The following MTCL1 variants were observed in gnomAD, a reference collection of about 807,000 sequenced individuals.
MTCL1 encodes microtubule cross-linking factor 1.
MTCL1 carries 79 observed loss-of-function variants against 141.4 expected under a neutral mutation model. The observed-to-expected ratio is 0.56, with a 90% CI of 0.47 to 0.67. The LOEUF is 0.67. Among genes scored for constraint, MTCL1 ranks in the 30% least tolerant of loss-of-function variants. The pLI is 0.00. For synonymous variants in MTCL1, 914 were observed against 875.8 expected, an observed-to-expected ratio of 1.04 and a Z score of -0.77; for missense variants, 2,177 against 2,113.9, an observed-to-expected ratio of 1.03 and a Z score of -0.59.
exon 10 of MTCL1, chr18:8,798,212 A>C: frequency 6.3e-7 from 1 of 1,597,512 alleles, no homozygotes; most frequent in South Asian, 1.1e-5. Context: ...GTGGGGGAGC[A>C]CTCCCCACAC....
chr18:8,727,663 T>C (rs993576904), intron 4 of MTCL1, among the ~76,000 whole-genome samples: 1 of 152,224 alleles, frequency 6.6e-6, no homozygotes, highest in African/African-American at 2.4e-5. Flanking sequence ...AGTTTCATTT[T>C]TCTATGTCAT....
At chr18:8,781,202 AAAAG>A (rs2096531525) in intron 5 of MTCL1, among the ~76,000 whole-genome samples, 2 of 150,692 alleles carry the variant, frequency 1.3e-5, no homozygotes, top group South Asian at 4.2e-4. Context: ...AAAAAAAAAA[AAAAG>A]AATGAATGAA....
rs139254319 is a variant in MTCL1 at position 8,734,216 on chromosome 18, C to G, written c.357+13720C>G. ...CTAGATGCTGGTAGCACCCCCCCTC[C>G]CCAATTTGTGGCAATCAAGAACTCT... On this transcript the variant is annotated intron_variant, in intron 4 of 16. Coordinates refer to ENST00000359865, the Ensembl canonical transcript of MTCL1. 1.9e-3 allele frequency among the ~76,000 whole-genome samples: 292 copies of G among 152,036 alleles called. 3 individuals are homozygous for G. The highest frequency in any genetic ancestry group is 6.8e-3 in the African/African-American group (280 of 41,414).
intron 1 of MTCL1, among the ~76,000 whole-genome samples, chr18:8,710,457 CTTTTTTT>C (rs59830434): frequency 2.9e-4 from 35 of 121,794 alleles, no homozygotes; most frequent in Middle Eastern, 4.9e-3. Flanking sequence ...CAGGCACTTT[CTTTTTTT>C]TTTTTTTTTT....
chr18:8,795,135 G>A (rs964670128), intron 8 of MTCL1, among the ~76,000 whole-genome samples: 8 of 152,200 alleles, frequency 5.3e-5, no homozygotes, highest in African/African-American at 1.4e-4. Flanking sequence ...TTAGGTGAGC[G>A]GCCACGCAAG....
chr18:8,798,076 G>T, intron 9 of MTCL1, 21 bp from the exon 9 acceptor site: 1 of 1,554,968 alleles, frequency 6.4e-7, no homozygotes, highest in Non-Finnish European at 8.6e-7. Context: ...AGCTGTGATC[G>T]TCACCTCCTG....
At chr18:8,758,149 G>A (rs944877164) in intron 4 of MTCL1, among the ~76,000 whole-genome samples, 7 of 151,506 alleles carry the variant, frequency 4.6e-5, no homozygotes, top group South Asian at 2.1e-4. Context: ...CTCAGCCTCC[G>A]AGTAGCTGGG....
At chr18:8,783,532 T>C (rs1480947027) in exon 6 of MTCL1, 2 of 1,598,682 alleles carry the variant, frequency 1.3e-6, no homozygotes, top group South Asian at 1.1e-5. Context: ...CCTGGCAGGA[T>C]GACAGTGCCG....
intron 4 of MTCL1, among the ~76,000 whole-genome samples, chr18:8,751,532 AT>A (rs921940951): frequency 1.3e-5 from 2 of 152,186 alleles, no homozygotes; most frequent in Non-Finnish European, 2.9e-5. Context: ...CTGGACTGCA[AT>A]TTTTGACACT....
At chr18:8,733,378 G>T (rs1454122064) in intron 4 of MTCL1, among the ~76,000 whole-genome samples, 1 of 152,132 alleles carries the variant, frequency 6.6e-6, no homozygotes, top group Non-Finnish European at 1.5e-5. Context: ...ACAAGTGCCT[G>T]TCTGTATCTG....
chr18:8,707,309 G>C (rs2096063587), intron 1 of MTCL1: 2 of 152,304 alleles, frequency 1.3e-5, no homozygotes, highest in South Asian at 2.1e-4. Context: ...AGTGTGGCCC[G>C]GGTTGAGGAG....
In MTCL1 at chr18:8,786,355, C is replaced by T. The variant is rs554127149; in HGVS notation, c.1887+264C>T. On this transcript the variant is annotated intron_variant, in intron 7 of 16. Transcript: ENST00000359865. Reference sequence around the variant, plus strand: ...CTGTCCACCTCCTGTTTCCGCAGACCGGGAGCACCTGGAAGTAGGCTGATT... The same window carrying T: ...CTGTCCACCTCCTGTTTCCGCAGACTGGGAGCACCTGGAAGTAGGCTGATT... The T allele has an allele frequency of 4.8e-4, 321 of 675,062 alleles. 1 individual carries two copies. Among genetic ancestry groups the T allele is most frequent in the South Asian group, 1.1e-3 (70 of 66,542 alleles). The allele number at this position is 675,062 out of a possible 1,614,324, so 41.8% of individuals were successfully genotyped here.
At chr18:8,798,128 G>C (rs746067810) in exon 10 of MTCL1, 3 of 1,591,694 alleles carry the variant, frequency 1.9e-6, no homozygotes, top group Non-Finnish European at 8.5e-7. Context: ...TCCAGGCTCG[G>C]GGAGCTTGGA....
chr18:8,726,014 A>G (rs1194489502), intron 4 of MTCL1, among the ~76,000 whole-genome samples: 1 of 151,548 alleles, frequency 6.6e-6, no homozygotes, highest in East Asian at 1.9e-4. Flanking sequence ...GATGGTCTCA[A>G]TCTCCAGACC....
intron 4 of MTCL1, among the ~76,000 whole-genome samples, chr18:8,731,049 T>C (rs2096247648): frequency 6.6e-6 from 1 of 151,292 alleles, no homozygotes; most frequent in Non-Finnish European, 1.5e-5. Context: ...ATCAAGACCA[T>C]CCTGGCTAAC....
intron 6 of MTCL1, 25 bp downstream of exon 5, chr18:8,784,868 C>T (rs1293770769): frequency 1.3e-6 from 2 of 1,539,602 alleles, no homozygotes; most frequent in Non-Finnish European, 1.8e-6. Context: ...GGCTTCGCCT[C>T]CCTGCTCCGC....
intron 4 of MTCL1, among the ~76,000 whole-genome samples, chr18:8,753,069 A>G (rs1311448449): frequency 1.3e-5 from 2 of 152,264 alleles, no homozygotes; most frequent in Non-Finnish European, 2.9e-5. Context: ...GAGCCACAGC[A>G]GCCCACAGAA....
chr18:8,755,243 C>T (rs1029729519), intron 4 of MTCL1, among the ~76,000 whole-genome samples: 6 of 152,178 alleles, frequency 3.9e-5, no homozygotes, highest in African/African-American at 1.4e-4. Flanking sequence ...TAGGCCTTCT[C>T]CTGCCAAGGT....
chr18:8,764,471 C>T (rs1023153582), intron 4 of MTCL1, among the ~76,000 whole-genome samples: 2 of 152,090 alleles, frequency 1.3e-5, no homozygotes, highest in African/African-American at 4.8e-5. Context: ...GTGTGCACCA[C>T]ACACCCGGAT....
Sources: gnomAD v4.1 joint callset for allele counts (sites outside exome capture counted in the v4.1 genomes callset) on GRCh38, gnomAD v4.1.1 for gene constraint, MANE v1.5 for transcripts, NCBI Gene and HGNC (gene_info 2026-07-23, HGNC 2026-07-21) for gene names.